Variants in CMIP observed in about 807,000 individuals in gnomAD.
CMIP encodes C-Maf-inducing protein.
Under a neutral mutation model 97.3 loss-of-function variants are expected in CMIP, and 13 were observed. That is an observed-to-expected ratio of 0.13 (90% confidence interval 0.09 to 0.21). The LOEUF (loss-of-function observed/expected upper bound fraction) is 0.21, where lower values mean the gene tolerates loss of function less well. Among genes scored for constraint, CMIP ranks in the 10% least tolerant of loss-of-function variants. The pLI is 1.00. For synonymous variants in CMIP, 538 were observed against 436.3 expected, an observed-to-expected ratio of 1.23 and a Z score of -2.91; for missense variants, 847 against 1,024.9, an observed-to-expected ratio of 0.83 and a Z score of 2.37.
At chr16:81,530,196 T>A (rs1428604808) in intron 1 of CMIP, among the ~76,000 whole-genome samples, 1 of 152,168 alleles carries the variant, frequency 6.6e-6, no homozygotes, top group East Asian at 1.9e-4. Flanking sequence ...CAGAATCTGA[T>A]CCATTCCTAC....
intron 1 of CMIP, among the ~76,000 whole-genome samples, chr16:81,512,287 T>A (rs978882439): frequency 2.2e-4 from 34 of 152,166 alleles, no homozygotes; most frequent in Admixed American, 5.2e-4. Context: ...CCAGGGTCCC[T>A]CATGCCTTGG....
chr16:81,665,907 A>G (rs564305589), intron 7 of CMIP: 10 of 152,372 alleles, frequency 6.6e-5, no homozygotes, highest in Admixed American at 3.3e-4. Flanking sequence ...TGTTAGTACC[A>G]TAATGAATGC....
Position 81,527,821 on chromosome 16 carries a change from A to G in CMIP, c.301-79746A>G, listed in dbSNP as rs531643664. Among the ~76,000 whole-genome samples the G allele has an allele frequency of 3.1e-3, 473 of 152,300 alleles. 1 individual carries two copies. The highest frequency in any genetic ancestry group is 5.4e-3 in the Non-Finnish European group (369 of 68,026). On this transcript the variant is annotated intron_variant, in intron 1 of 20. Transcript: ENST00000537098. Reference sequence around the variant, plus strand: ...TCACATTTTATCCTAAAAATATCCCATTCTACTGACGGTGGGCATTCACGT... The same window carrying G: ...TCACATTTTATCCTAAAAATATCCCGTTCTACTGACGGTGGGCATTCACGT...
At chr16:81,646,270 GGA>G (rs1597189544) in intron 3 of CMIP, among the ~76,000 whole-genome samples, 1 of 151,586 alleles carries the variant, frequency 6.6e-6, no homozygotes, top group East Asian at 1.9e-4. Flanking sequence ...ATGGATGGAT[GGA>G]TGGATGGGTG....
chr16:81,553,299 C>T (rs921451513), intron 1 of CMIP, among the ~76,000 whole-genome samples: 5 of 152,198 alleles, frequency 3.3e-5, no homozygotes, highest in African/African-American at 4.8e-5. Flanking sequence ...GCCATGCCCC[C>T]AGGAGGCAGG....
chr16:81,524,694 C>G (rs1037790972), intron 1 of CMIP, among the ~76,000 whole-genome samples: 2 of 152,258 alleles, frequency 1.3e-5, no homozygotes, highest in African/African-American at 4.8e-5. Flanking sequence ...TGCTCAGAGC[C>G]ACCCAGCGAC....
rs887835282 is a variant in CMIP at position 81,534,118 on chromosome 16, C to T, written c.301-73449C>T. 7.2e-4 allele frequency among the ~76,000 whole-genome samples: 109 copies of T among 152,216 alleles called. 1 individual carries two copies. Among genetic ancestry groups the T allele is most frequent in the Non-Finnish European group, 3.8e-4 (26 of 68,038 alleles). On this transcript the variant is annotated intron_variant, in intron 1 of 20. Coordinates refer to ENST00000537098, the MANE Select transcript of CMIP (RefSeq NM_198390.3). ...GCTGGGCCACACTGGTTCCTGCACC[C>T]GGGCAGCCTGTGGCCAGGCTGCGTT...
At chr16:81,706,551 G>C (rs114539126) in intron 19 of CMIP, among the ~76,000 whole-genome samples, 1,703 of 152,358 alleles carry the variant, frequency 0.011, 45 homozygotes, top group African/African-American at 0.039. Context: ...GCCCTGCTCA[G>C]CGTCTCTGGG....
chr16:81,707,071 A>G lies in CMIP; in HGVS notation c.2255A>G (p.Tyr752Cys). Residue 752 changes from tyrosine to cysteine, a missense_variant, in exon 20 of 21, where the codon TAC becomes TGC. Around this residue, in one of 4 missense-constraint regions of CMIP, gnomAD observed 266 missense variants for 384.2 expected, o/e 0.69. Coordinates refer to ENST00000537098, the MANE Select transcript of CMIP (RefSeq NM_198390.3). ...AGCACCAAGCTCTCAGCTGACACCT[A>G]CGAAGATCTGAAGGTAATTCCCTCC... is the stretch of plus-strand genomic sequence containing the variant. Reference protein sequence around the residue: ...MNSTKLSADTYEDLKAKLPNL... With the variant: ...MNSTKLSADTCEDLKAKLPNL... 6.2e-7 allele frequency: 1 copy of G among 1,613,668 alleles called. No homozygotes were observed. Among genetic ancestry groups the G allele is most frequent in the Non-Finnish European group, 8.5e-7 (1 of 1,179,680 alleles).
chr16:81,705,356 G>A (rs531749021), intron 18 of CMIP, 143 bp from the exon 19 acceptor site: 3 of 588,898 alleles, frequency 5.1e-6, no homozygotes, highest in South Asian at 2.3e-5. Flanking sequence ...GGACGTGAAC[G>A]CAGCCCAGAC....
intron 8 of CMIP, among the ~76,000 whole-genome samples, chr16:81,670,794 C>T (rs534768521): frequency 9.2e-5 from 14 of 151,914 alleles, no homozygotes; most frequent in African/African-American, 3.1e-4. Context: ...CGTGTCAGGC[C>T]GAGGTGTCAT....
chr16:81,688,460 A>T (rs1264620444), intron 10 of CMIP, among the ~76,000 whole-genome samples: 1 of 152,222 alleles, frequency 6.6e-6, no homozygotes, highest in Non-Finnish European at 1.5e-5. Flanking sequence ...CATATGCCAC[A>T]GCTGTGTGAC....
intron 6 of CMIP, among the ~76,000 whole-genome samples, chr16:81,662,359 A>G (rs1425302879): frequency 6.6e-6 from 1 of 152,152 alleles, no homozygotes; most frequent in Admixed American, 6.5e-5. Flanking sequence ...TGTGTTTCTT[A>G]CCTCAGCGTT....
intron 1 of CMIP, chr16:81,476,168 T>C: frequency 8.6e-7 from 1 of 1,166,806 alleles, no homozygotes; most frequent in Non-Finnish European, 1.3e-6. Context: ...CACTCAGTCT[T>C]GGCAGTGCGT....
chr16:81,607,769 G>C, intron 2 of CMIP, 77 bp downstream of exon 2: 1 of 1,472,756 alleles, frequency 6.8e-7, no homozygotes, highest in African/African-American at 1.4e-5. Context: ...TCCCTTGGAG[G>C]GAGCCAGCAG....
At chr16:81,517,985 G>T in intron 1 of CMIP, 1 of 860,348 alleles carries the variant, frequency 1.2e-6, no homozygotes, top group Non-Finnish European at 1.4e-6. Context: ...TTTTCACAAA[G>T]TAAGTGACGG....
At chr16:81,487,059 G>A (rs545491266) in intron 1 of CMIP, among the ~76,000 whole-genome samples, 16 of 152,364 alleles carry the variant, frequency 1.1e-4, no homozygotes, top group African/African-American at 3.8e-4. Context: ...CTGGACACCA[G>A]GCCTCGGAGA....
chr16:81,457,845 G>T (rs1197301800), intron 1 of CMIP, among the ~76,000 whole-genome samples: 4 of 152,116 alleles, frequency 2.6e-5, no homozygotes, highest in African/African-American at 4.8e-5. Context: ...ATGGTGTGGG[G>T]CCAAGAGCCG....
chr16:81,679,911 G>A (rs903352865), intron 10 of CMIP, among the ~76,000 whole-genome samples: 1 of 152,130 alleles, frequency 6.6e-6, no homozygotes, highest in East Asian at 1.9e-4. Flanking sequence ...TGGTTCCACA[G>A]ACCAGCTCAG....
Sources: allele counts gnomAD v4.1 joint callset (sites outside exome capture counted in the v4.1 genomes callset), GRCh38; gene constraint gnomAD v4.1.1; regional missense constraint gnomAD v4.1.1; transcripts MANE v1.5; gene names NCBI Gene and HGNC (gene_info 2026-07-23, HGNC 2026-07-21).